The following ZNF383 variants were observed in gnomAD, a reference collection of about 807,000 sequenced individuals.
ZNF383 encodes the protein zinc finger protein 383.
In ZNF383, 32 loss-of-function variants were observed where a neutral mutation model predicts 44.2. The observed-to-expected ratio is 0.72, with a 90% confidence interval of 0.55 to 0.97. The LOEUF (loss-of-function observed/expected upper bound fraction) is 0.97. ZNF383 is among the 50% of genes least tolerant of loss of function. The pLI, the probability that ZNF383 is intolerant of heterozygous loss-of-function variation, is 0.00. For missense variants in ZNF383, 487 were observed against 562.5 expected (o/e 0.87, Z 1.36); for synonymous variants, 155 against 186.2 (o/e 0.83, Z 1.36).
Position 37,243,394 on chromosome 19 carries a change from A to C in ZNF383, c.1158A>C (p.Arg386Ser). ...GCTCACAGCTTCGTCAACATCAGAG[A>C]ATTCACGCTGGTGAGAAACCCTTTG... Reference protein sequence around the residue: ...TQSSQLRQHQRIHAGEKPFEC... With the variant: ...TQSSQLRQHQSIHAGEKPFEC... Residue 386 changes from arginine (R) to serine (S), a missense_variant, in exon 6 of 6, where the codon AGA becomes AGC. Transcript: ENST00000684119. 6.2e-7 allele frequency: 1 copy of C among 1,614,220 alleles called. No individual in the cohort carries two copies. Among genetic ancestry groups the C allele is most frequent in the Non-Finnish European group, 8.5e-7 (1 of 1,180,044 alleles).
chr19:37,219,063 T>G (rs1358694740), intron 1 of ZNF383, among the ~76,000 whole-genome samples: 1 of 152,044 alleles, frequency 6.6e-6, no homozygotes, highest in Non-Finnish European at 1.5e-5. Context: ...GTGTTATTGT[T>G]TGGGTGAGGC....
At position 37,224,947 on chromosome 19, in the gene ZNF383, C is replaced by T. The variant is rs1973089189; in HGVS notation, c.-46+8C>T. ...GAGTAGCTGGGATTACAGGTGGGTG[C>T]CACCATGCCTGGCTAATTTTTGTGT... On this transcript the variant is annotated splice_region_variant and intron_variant, in intron 2 of 5. Coordinates refer to ENST00000684119, the MANE Select transcript of ZNF383 (RefSeq NM_001387601.1). 6.6e-6 allele frequency: 1 copy of T among 152,572 alleles called. No homozygotes were observed. Among genetic ancestry groups the T allele is most frequent in the Non-Finnish European group, 1.5e-5 (1 of 68,320 alleles). The allele number at this position is 152,572 out of a possible 1,614,324, so 9.5% of individuals were successfully genotyped here.
chr19:37,233,788 C>T (rs1369831268), intron 3 of ZNF383, among the ~76,000 whole-genome samples: 4 of 152,022 alleles, frequency 2.6e-5, no homozygotes, highest in African/African-American at 7.2e-5. Flanking sequence ...ATCTTTGTTC[C>T]AATTTCTACA....
Position 37,247,252 on chromosome 19 carries a change from A to G in ZNF383, c.*3588A>G, listed in dbSNP as rs1394030108. 1 of 152,186 alleles carries G rather than the reference A, an allele frequency of 6.6e-6. No homozygotes were observed. Among genetic ancestry groups the G allele is most frequent in the East Asian group, 1.9e-4 (1 of 5,204 alleles). The allele number at this position is 152,186 out of a possible 1,614,324, so 9.4% of individuals were successfully genotyped here. On this transcript the variant is annotated 3_prime_UTR_variant, in exon 6 of 6. Coordinates refer to ENST00000684119, the MANE Select transcript of ZNF383 (RefSeq NM_001387601.1). Reference sequence around the variant, plus strand: ...TTTAAAAGGCAGAAATAATTGAAAGAAAAAAACTGGATCTGAATCCAAAAT... The same window carrying G: ...TTTAAAAGGCAGAAATAATTGAAAGGAAAAAACTGGATCTGAATCCAAAAT...
intron 1 of ZNF383, among the ~76,000 whole-genome samples, chr19:37,222,477 A>G (rs952556011): frequency 2.0e-5 from 3 of 152,108 alleles, no homozygotes; most frequent in African/African-American, 7.2e-5. Context: ...CCTGGGTTCA[A>G]GCGATTCTCC....
intron 3 of ZNF383, among the ~76,000 whole-genome samples, chr19:37,233,806 G>A (rs1568526546): frequency 6.6e-6 from 1 of 152,036 alleles, no homozygotes; most frequent in Non-Finnish European, 1.5e-5. Context: ...ACATTGAGGA[G>A]GGGAAGAAGC....
intron 3 of ZNF383, among the ~76,000 whole-genome samples, chr19:37,231,901 A>G (rs929533649): frequency 6.6e-6 from 1 of 152,116 alleles, no homozygotes; most frequent in Non-Finnish European, 1.5e-5. Flanking sequence ...TGGCCTGAGA[A>G]ATCTTTCTCT....
chr19:37,227,850 A>G (rs1462603694), intron 2 of ZNF383: 1 of 152,206 alleles, frequency 6.6e-6, no homozygotes, highest in Non-Finnish European at 1.5e-5. Flanking sequence ...TTTTAAATGT[A>G]TTTTAAAGAC....
At chr19:37,224,507 T>C (rs1973066443) in intron 1 of ZNF383, among the ~76,000 whole-genome samples, 1 of 152,108 alleles carries the variant, frequency 6.6e-6, no homozygotes, top group Non-Finnish European at 1.5e-5. Flanking sequence ...TTATACTGGG[T>C]CCCTTTTTAT....
At chr19:37,227,723 G>T in intron 2 of ZNF383, 1 of 152,510 alleles carries the variant, frequency 6.6e-6, no homozygotes, top group South Asian at 2.0e-4. Flanking sequence ...GGTATGGAGT[G>T]AGAGTCATCT....
Position 37,243,762 on chromosome 19 carries a change from A to G in ZNF383, c.*98A>G, listed in dbSNP as rs1213772056. The G allele has an allele frequency of 2.5e-6, 2 of 804,186 alleles. No homozygotes were observed. Among genetic ancestry groups the G allele is most frequent in the South Asian group, 5.5e-5 (2 of 36,472 alleles). 49.8% of individuals were successfully genotyped at this position (804,186 alleles called of 1,614,324 possible). A position where few individuals can be genotyped will look rare whatever the true frequency, so the allele number is the denominator to read the frequency against. On this transcript the variant is annotated 3_prime_UTR_variant, in exon 6 of 6. Transcript: ENST00000684119. ...TAGTTTTTTTTAAAACTTTGTATTT[A>G]AATTTTGTATCCAAATGTATTTCAT...
At chr19:37,236,594 G>A (rs1178408557) in intron 5 of ZNF383, among the ~76,000 whole-genome samples, 1 of 148,346 alleles carries the variant, frequency 6.7e-6, no homozygotes, top group Admixed American at 6.7e-5. Flanking sequence ...TTTTTGAGAC[G>A]GAGTCTCGCT....
At chr19:37,230,520 ATG>A in intron 3 of ZNF383, 58 bp downstream of exon 3, 1 of 1,571,968 alleles carries the variant, frequency 6.4e-7, no homozygotes, top group Non-Finnish European at 8.7e-7. Context: ...AAAAAAAGAC[ATG>A]AGCATTTGCT....
At position 37,228,771 on chromosome 19, in the gene ZNF383, G is replaced by A. The variant is rs994410951; in HGVS notation, c.-45-1638G>A. On this transcript the variant is annotated intron_variant, in intron 2 of 5. Transcript: ENST00000684119. ...TTCCCGAGTTTATTCTTTTTGTCTT[G>A]GGTAGATGGAAACAAGCCACTAATA... is the stretch of plus-strand genomic sequence containing the variant. Among the ~76,000 whole-genome samples the A allele has an allele frequency of 5.3e-5, 8 of 151,842 alleles. No individual in the cohort carries two copies. In the East Asian group the frequency reaches 7.7e-4, roughly 15 times the overall value.
Position 37,244,228 on chromosome 19 carries a change from C to A in ZNF383, c.*564C>A, listed in dbSNP as rs1005979655. ...ACTCCTGAGTAGCTGGGATCACAGG[C>A]GTGTGCCACCACACCCTGCTAATTT... On this transcript the variant is annotated 3_prime_UTR_variant, in exon 6 of 6. Coordinates refer to ENST00000684119, the MANE Select transcript of ZNF383 (RefSeq NM_001387601.1). 6.6e-6 allele frequency: 1 copy of A among 152,010 alleles called. No homozygotes were observed. The highest frequency in any genetic ancestry group is 1.5e-5 in the Non-Finnish European group (1 of 68,092). The allele number at this position is 152,010 out of a possible 1,614,324, so 9.4% of individuals were successfully genotyped here.
chr19:37,225,790 A>AG (rs1599782788), intron 2 of ZNF383, among the ~76,000 whole-genome samples: 113 of 147,480 alleles, frequency 7.7e-4, no homozygotes, highest in Middle Eastern at 3.4e-3. Flanking sequence ...ATTCAGTTTA[A>AG]ATTTTTTTTT....
intron 5 of ZNF383, among the ~76,000 whole-genome samples, chr19:37,239,360 C>T (rs1388681073): frequency 6.6e-6 from 1 of 152,152 alleles, no homozygotes; most frequent in East Asian, 1.9e-4. Context: ...CAGATACGTT[C>T]ATATTATTTT....
intron 1 of ZNF383, among the ~76,000 whole-genome samples, chr19:37,220,237 T>C (rs1972853340): frequency 6.6e-6 from 1 of 152,232 alleles, no homozygotes. Flanking sequence ...TTCTTTTCTT[T>C]TTTTTTCTTG....
chr19:37,242,933 A>G lies in ZNF383; in HGVS notation c.697A>G (p.Lys233Glu), dbSNP rs1353564135. ...EKPFECKECG[K>E]AFSCSSYLSQ... ...ACCCTTTGAATGTAAGGAATGTGGAAAGGCCTTCAGTTGTAGCTCATACCT... is the reference window on the plus strand; with the variant it reads ...ACCCTTTGAATGTAAGGAATGTGGAGAGGCCTTCAGTTGTAGCTCATACCT... Residue 233 changes from lysine (K) to glutamate (E), a missense_variant, in exon 6 of 6, where the codon AAG (lysine) becomes GAG (glutamate). Physicochemically the swap from Lys to Glu is moderately conservative, Grantham distance 56. Coordinates refer to ENST00000684119, the MANE Select transcript of ZNF383 (RefSeq NM_001387601.1). 1.2e-5 allele frequency: 19 copies of G among 1,614,058 alleles called. No individual in the cohort carries two copies. Among genetic ancestry groups the G allele is most frequent in the Non-Finnish European group, 1.6e-5 (19 of 1,180,038 alleles).
Sources: gnomAD v4.1 joint callset for allele counts (sites outside exome capture counted in the v4.1 genomes callset) on GRCh38, gnomAD v4.1.1 for gene constraint, MANE v1.5 for transcripts, NCBI Gene and HGNC (gene_info 2026-07-23, HGNC 2026-07-21) for gene names.